Variants in NOL4 observed in about 807,000 individuals in gnomAD.
NOL4 encodes nucleolar protein 4.
Under a neutral mutation model 75.9 loss-of-function variants are expected in NOL4, and 17 were observed. That is an observed-to-expected ratio of 0.22 (90% CI 0.15 to 0.34). NOL4 has a LOEUF of 0.34. NOL4 is among the 10% of genes least tolerant of loss of function. The pLI is 1.00. For synonymous variants in NOL4, 292 were observed against 289.9 expected (o/e 1.01, Z -0.07); for missense variants, 614 against 793.5 (o/e 0.77, Z 2.72).
chr18:34,033,032 C>T (rs188695872), intron 5 of NOL4, among the ~76,000 whole-genome samples: 2 of 152,244 alleles, frequency 1.3e-5, no homozygotes, highest in East Asian at 1.9e-4. Flanking sequence ...TCAACCAACA[C>T]CATAGGTACA....
At chr18:34,120,795 C>A (rs1266284330) in intron 2 of NOL4, among the ~76,000 whole-genome samples, 1 of 152,078 alleles carries the variant, frequency 6.6e-6, no homozygotes, top group Non-Finnish European at 1.5e-5. Flanking sequence ...AGCATTTCAC[C>A]ATATGATATA....
At chr18:34,133,883 C>T (rs566043746) in intron 1 of NOL4, among the ~76,000 whole-genome samples, 3 of 151,974 alleles carry the variant, frequency 2.0e-5, no homozygotes, top group South Asian at 4.2e-4. Flanking sequence ...GTTAGCTGGG[C>T]GTGGTGGCAT....
chr18:33,881,543 G>T (rs1343758695), intron 10 of NOL4, among the ~76,000 whole-genome samples: 3 of 151,690 alleles, frequency 2.0e-5, no homozygotes, highest in Non-Finnish European at 4.4e-5. Context: ...CACTGCTCAA[G>T]GAAATAAAAG....
At chr18:34,074,658 T>C (rs766359377) in intron 5 of NOL4, among the ~76,000 whole-genome samples, 1 of 151,980 alleles carries the variant, frequency 6.6e-6, no homozygotes, top group Non-Finnish European at 1.5e-5. Flanking sequence ...ATTTCACGAG[T>C]ACCAAGAATT....
At position 33,883,396 on chromosome 18, in the gene NOL4, C is replaced by T. The variant is rs545793999; in HGVS notation, c.1571G>A (p.Cys524Tyr). The stretch of plus-strand genomic sequence containing the variant: ...AGTGGCCTGGGTCGCCTCTGGTTTA[C>T]ACTGTTTGTCAGCTGGAGCAGACTC... ...QDESAPADKQ[C>Y]KPEATQATYS... The change falls in exon 10 of 11, where the codon TGT becomes TAT. Residue 524 changes from cysteine (C) to tyrosine (Y), a missense_variant. By Grantham distance (194) the Cys-to-Tyr change is radical (BLOSUM62 -2). Around this residue, in one of 9 missense-constraint regions of NOL4, gnomAD observed 128 missense variants for 159.9 expected, o/e 0.80. Coordinates refer to ENST00000261592, the MANE Select transcript of NOL4 (RefSeq NM_003787.5). The T allele has an allele frequency of 1.9e-6, 3 of 1,610,134 alleles. No individual in the cohort carries two copies. Among genetic ancestry groups the T allele is most frequent in the Admixed American group, 1.7e-5 (1 of 59,198 alleles).
chr18:33,907,529 A>G (rs2066135246), intron 9 of NOL4, among the ~76,000 whole-genome samples: 1 of 152,192 alleles, frequency 6.6e-6, no homozygotes, highest in South Asian at 2.1e-4. Flanking sequence ...TAAAAATATT[A>G]CAGCTGTAAT....
At chr18:34,005,081 A>T (rs1166700278) in intron 6 of NOL4, among the ~76,000 whole-genome samples, 1 of 152,106 alleles carries the variant, frequency 6.6e-6, no homozygotes, top group Non-Finnish European at 1.5e-5. Flanking sequence ...TATTGTTTTA[A>T]TCATACAGAT....
Position 33,958,404 on chromosome 18 carries a change from A to C in NOL4, c.1071T>G (p.Ser357Arg). ...TTTTGCCAGAGTCATAGCTGGAGTA[A>C]CTATGTGCAGGAGACTGAAAAGAGA... is the stretch of plus-strand genomic sequence containing the variant. ...RENGSKSPAH[S>R]YSSYDSGKNE... Residue 357 changes from serine (S) to arginine (R), a missense_variant, in exon 7 of 11, where the codon AGT becomes AGG. By Grantham distance (110) the Ser-to-Arg change is moderately radical. This residue lies in a region of NOL4 where 196 missense variants were observed against 167.9 expected (regional missense o/e 1.17). Coordinates refer to ENST00000261592, the MANE Select transcript of NOL4 (RefSeq NM_003787.5). 1.2e-6 allele frequency: 2 copies of C among 1,612,976 alleles called. No homozygotes were observed. The highest frequency in any genetic ancestry group is 1.7e-6 in the Non-Finnish European group (2 of 1,179,312).
chr18:33,863,141 A>G (rs2063248122), intron 10 of NOL4, among the ~76,000 whole-genome samples: 1 of 152,106 alleles, frequency 6.6e-6, no homozygotes, highest in South Asian at 2.1e-4. Flanking sequence ...TGAAATTGGA[A>G]ATCATCATTC....
At chr18:34,111,982 T>C (rs568177316) in intron 2 of NOL4, among the ~76,000 whole-genome samples, 1 of 152,190 alleles carries the variant, frequency 6.6e-6, no homozygotes, top group South Asian at 2.1e-4. Context: ...ATTCCATTTC[T>C]GGGAATATAT....
At chr18:34,198,669 A>ATACCTGTACT in intron 1 of NOL4, among the ~76,000 whole-genome samples, 1 of 151,954 alleles carries the variant, frequency 6.6e-6, no homozygotes, top group East Asian at 1.9e-4. Flanking sequence ...TACAGGTAAA[A>ATACCTGTACT]TACCTGTACA....
At chr18:34,020,031 T>G (rs2074948514) in intron 5 of NOL4, among the ~76,000 whole-genome samples, 1 of 152,040 alleles carries the variant, frequency 6.6e-6, no homozygotes, top group South Asian at 2.1e-4. Flanking sequence ...CTGGCTCCCC[T>G]ACATCTTCCA....
chr18:33,984,866 T>C (rs2072306205), intron 6 of NOL4, among the ~76,000 whole-genome samples: 2 of 152,126 alleles, frequency 1.3e-5, no homozygotes, highest in African/African-American at 4.8e-5. Context: ...TTCTACATTT[T>C]TTCGACTCTG....
chr18:33,917,639 T>C (rs2066804123), intron 9 of NOL4, among the ~76,000 whole-genome samples: 2 of 151,958 alleles, frequency 1.3e-5, no homozygotes, highest in African/African-American at 4.8e-5. Flanking sequence ...GGACTACAGG[T>C]GGGTGCTACT....
At chr18:33,962,388 T>C (rs900332320) in intron 6 of NOL4, among the ~76,000 whole-genome samples, 1 of 152,196 alleles carries the variant, frequency 6.6e-6, no homozygotes, top group Non-Finnish European at 1.5e-5. Flanking sequence ...TGAATAATAC[T>C]ATCTTTGTAA....
chr18:33,867,179 A>T (rs1275722382), intron 10 of NOL4, among the ~76,000 whole-genome samples: 1 of 152,158 alleles, frequency 6.6e-6, no homozygotes, highest in African/African-American at 2.4e-5. Context: ...GGAAGTTTCT[A>T]CATTAAGATT....
chr18:34,194,430 A>G (rs867544905), intron 1 of NOL4, among the ~76,000 whole-genome samples: 12 of 131,974 alleles, frequency 9.1e-5, no homozygotes, highest in Admixed American at 8.1e-4. Context: ...GAGGGAGGGA[A>G]GGAAGGAAGG....
intron 8 of NOL4, among the ~76,000 whole-genome samples, chr18:33,950,609 C>CA (rs796868599): frequency 6.6e-5 from 10 of 152,178 alleles, no homozygotes; most frequent in African/African-American, 2.2e-4. Flanking sequence ...ACTCAAGGAA[C>CA]ATAATTTCTT....
chr18:34,130,142 G>A lies in NOL4; in HGVS notation c.265-122C>T, dbSNP rs554272365. On this transcript the variant is annotated intron_variant, in intron 1 of 10. Coordinates refer to ENST00000261592, the MANE Select transcript of NOL4 (RefSeq NM_003787.5). The stretch of plus-strand genomic sequence containing the variant: ...CAACAAAATCATCTATATAGGAAAC[G>A]TCAAAAATTCATGAATGAATATTTC... 43 of 890,222 alleles carry A rather than the reference G, an allele frequency of 4.8e-5. No individual in the cohort carries two copies. In the African/African-American group the frequency reaches 6.8e-4, roughly 14 times the overall value. 55.1% of individuals were successfully genotyped at this position (890,222 alleles called of 1,614,324 possible).
Sources: gnomAD v4.1 joint callset for allele counts (sites outside exome capture counted in the v4.1 genomes callset) on GRCh38, gnomAD v4.1.1 for gene constraint, gnomAD v4.1.1 regional missense constraint, MANE v1.5 for transcripts, NCBI Gene and HGNC (gene_info 2026-07-23, HGNC 2026-07-21) for gene names.